DLG2: variants seen among roughly 807,000 people sequenced by gnomAD.
DLG2 encodes the protein disks large homolog 2.
Under a neutral mutation model 132.5 loss-of-function variants are expected in DLG2, and 45 were observed. The observed-to-expected ratio is 0.34, with a 90% CI of 0.27 to 0.44. DLG2 has a LOEUF of 0.44. Ranked by LOEUF, DLG2 falls within the 20% of genes least tolerant of loss-of-function variation. The pLI, the probability that DLG2 is intolerant of heterozygous loss-of-function variation, is 1.00. For missense variants in DLG2, 1,045 were observed against 1,196.9 expected (o/e 0.87, Z 1.87); for synonymous variants, 424 against 419.6 (o/e 1.01, Z -0.13).
At chr11:85,510,409 A>C (rs2153155299) in intron 3 of DLG2, among the ~76,000 whole-genome samples, 1 of 152,296 alleles carries the variant, frequency 6.6e-6, no homozygotes, top group Non-Finnish European at 1.5e-5. Context: ...ACAGCAAAAG[A>C]AACTACCATC....
intron 7 of DLG2, among the ~76,000 whole-genome samples, chr11:84,377,131 G>T (rs1313917062): frequency 6.6e-6 from 1 of 152,034 alleles, no homozygotes; most frequent in Non-Finnish European, 1.5e-5. Flanking sequence ...CACCATCTGT[G>T]AAGTATCCAT....
intron 15 of DLG2, among the ~76,000 whole-genome samples, chr11:83,924,273 T>C (rs1438134956): frequency 2.0e-5 from 3 of 152,082 alleles, no homozygotes; most frequent in Non-Finnish European, 4.4e-5. Context: ...AGTTAAAACA[T>C]TAAAGGCCCA....
chr11:85,406,569 G>A (rs1432714572), intron 3 of DLG2, among the ~76,000 whole-genome samples: 3 of 151,908 alleles, frequency 2.0e-5, no homozygotes, highest in African/African-American at 4.8e-5. Context: ...ATAAAGATAC[G>A]ATGACTGGTG....
At chr11:85,486,431 T>C (rs1390137456) in intron 3 of DLG2, among the ~76,000 whole-genome samples, 1 of 152,200 alleles carries the variant, frequency 6.6e-6, no homozygotes, top group Non-Finnish European at 1.5e-5. Flanking sequence ...TTTCAGCCAG[T>C]GCCTAAACAC....
rs138116921 is a variant in DLG2 at position 85,562,004 on chromosome 11, T to C, written c.40+36653A>G. 3.3e-3 allele frequency among the ~76,000 whole-genome samples: 504 copies of C among 151,972 alleles called. 1 individual carries two copies. Among genetic ancestry groups the C allele is most frequent in the African/African-American group, 0.012 (488 of 41,544 alleles). Reference sequence around the variant, plus strand: ...GGTTACACAGCCAGTAAATTACTTATCTGCAGGTTGAGTTAGTGGCCAATA... The same window carrying C: ...GGTTACACAGCCAGTAAATTACTTACCTGCAGGTTGAGTTAGTGGCCAATA... On this transcript the variant is annotated intron_variant, in intron 3 of 27. Transcript: ENST00000376104.
At chr11:84,942,141 C>A (rs1359292707) in intron 6 of DLG2, among the ~76,000 whole-genome samples, 1 of 151,712 alleles carries the variant, frequency 6.6e-6, no homozygotes, top group East Asian at 1.9e-4. Context: ...ATCTTTTTTT[C>A]TTAGTTGGTC....
At chr11:84,750,537 T>C (rs1398286976) in intron 6 of DLG2, among the ~76,000 whole-genome samples, 2 of 152,070 alleles carry the variant, frequency 1.3e-5, no homozygotes, top group Admixed American at 6.6e-5. Context: ...ATAAATATCA[T>C]ATATAAATTA....
intron 4 of DLG2, among the ~76,000 whole-genome samples, chr11:85,163,759 C>T (rs565030637): frequency 6.6e-6 from 1 of 152,274 alleles, no homozygotes; most frequent in East Asian, 1.9e-4. Flanking sequence ...GGGTCTTCTT[C>T]CACCTTACTA....
intron 7 of DLG2, among the ~76,000 whole-genome samples, chr11:84,299,047 C>T (rs567197049): frequency 6.6e-6 from 1 of 152,326 alleles, no homozygotes; most frequent in African/African-American, 2.4e-5. Flanking sequence ...TTATCACACA[C>T]ATTTAAGAAA....
At chr11:83,877,083 T>A (rs1198533334) in intron 15 of DLG2, among the ~76,000 whole-genome samples, 1 of 152,132 alleles carries the variant, frequency 6.6e-6, no homozygotes, top group South Asian at 2.1e-4. Context: ...AGTTTCTTGA[T>A]TTATGTTATT....
chr11:84,032,359 G>C (rs574064129), intron 11 of DLG2, among the ~76,000 whole-genome samples: 1 of 152,280 alleles, frequency 6.6e-6, no homozygotes, highest in African/African-American at 2.4e-5. Context: ...TCACTGATGT[G>C]GAGAAAGTTT....
chr11:85,251,156 T>C (rs1242151407), intron 4 of DLG2, among the ~76,000 whole-genome samples: 2 of 152,156 alleles, frequency 1.3e-5, no homozygotes. Flanking sequence ...GACATGAACA[T>C]GTGCTATGAT....
intron 15 of DLG2, among the ~76,000 whole-genome samples, chr11:83,878,484 A>G (rs571713695): frequency 6.6e-6 from 1 of 152,210 alleles, no homozygotes; most frequent in Non-Finnish European, 1.5e-5. Context: ...ACTGGTCTAT[A>G]TAGAGCACCT....
chr11:83,787,199 G>T (rs142203290), intron 17 of DLG2, among the ~76,000 whole-genome samples: 218 of 151,468 alleles, frequency 1.4e-3, no homozygotes, highest in African/African-American at 5.1e-3. Flanking sequence ...AAAACATTCA[G>T]ATGAGATTCT....
intron 3 of DLG2, among the ~76,000 whole-genome samples, chr11:85,565,297 A>G (rs991812633): frequency 6.6e-6 from 1 of 152,106 alleles, no homozygotes; most frequent in Non-Finnish European, 1.5e-5. Context: ...GGGGAAAAGC[A>G]TTCAATATTT....
intron 7 of DLG2, among the ~76,000 whole-genome samples, chr11:84,457,477 A>G (rs1182074164): frequency 1.3e-5 from 2 of 151,126 alleles, no homozygotes; most frequent in Non-Finnish European, 3.0e-5. Context: ...AAAGTGCTAA[A>G]CTAAATATAA....
At chr11:83,469,436 T>A in intron 24 of DLG2, 63 bp from the exon 25 acceptor site, 2 of 1,248,306 alleles carry the variant, frequency 1.6e-6, no homozygotes, top group Non-Finnish European at 2.3e-6. Flanking sequence ...GCTTTACACC[T>A]ATATTCTCCA....
At chr11:85,306,635 A>G (rs1240714965) in intron 3 of DLG2, among the ~76,000 whole-genome samples, 1 of 152,100 alleles carries the variant, frequency 6.6e-6, no homozygotes. Context: ...CAGTGGTACG[A>G]TCTTGGCTCA....
rs150136250 is a variant in DLG2, at chr11:85,073,770, A to C, written c.357+37891T>G. 7.0e-4 allele frequency among the ~76,000 whole-genome samples: 106 copies of C among 152,044 alleles called. 2 individuals carry two copies. Among genetic ancestry groups the C allele is most frequent in the African/African-American group, 2.3e-3 (94 of 41,538 alleles). Reference sequence around the variant, plus strand: ...ATTGGGCATATATCCAAAGGAATATAAATAATTATACCACGAAGATACATG... The same window carrying C: ...ATTGGGCATATATCCAAAGGAATATCAATAATTATACCACGAAGATACATG... On this transcript the variant is annotated intron_variant, in intron 6 of 27. Transcript: ENST00000376104.
Sources: gnomAD v4.1 joint callset for allele counts (sites outside exome capture counted in the v4.1 genomes callset) on GRCh38, gnomAD v4.1.1 for gene constraint, MANE v1.5 for transcripts, NCBI Gene and HGNC (gene_info 2026-07-23, HGNC 2026-07-21) for gene names.